Variants in MTMR4 observed in about 807,000 individuals in gnomAD.
MTMR4 encodes phosphatidylinositol-3,5-bisphosphate 3-phosphatase MTMR4.
In MTMR4, 30 loss-of-function variants were observed where a neutral mutation model predicts 125.5. That is an observed-to-expected ratio of 0.24 (90% CI 0.18 to 0.32). The LOEUF is 0.32. MTMR4 is among the 10% of genes least tolerant of loss of function. The pLI, the probability that MTMR4 is intolerant of heterozygous loss-of-function variation, is 1.00. For synonymous variants in MTMR4, 498 were observed against 564.5 expected (o/e 0.88, Z 1.67); for missense variants, 1,039 against 1,511.5 (o/e 0.69, Z 5.18).
At chr17:58,506,696 C>G (rs1295085886) in intron 9 of MTMR4, 47 bp downstream of exon 9, 1 of 1,599,162 alleles carries the variant, frequency 6.3e-7, no homozygotes. Context: ...CTCACCAAAG[C>G]CACCCAGAGC....
At position 58,490,796 on chromosome 17, in the gene MTMR4, C is replaced by G. The variant is rs546457059; in HGVS notation, c.*867G>C. The G allele has an allele frequency of 2.0e-5, 3 of 152,560 alleles. No homozygotes were observed. Among genetic ancestry groups the G allele is most frequent in the Non-Finnish European group, 4.4e-5 (3 of 68,016 alleles). 9.5% of individuals were successfully genotyped at this position (152,560 alleles called of 1,614,324 possible). On this transcript the variant is annotated 3_prime_UTR_variant, in exon 18 of 18. Coordinates refer to ENST00000682306, the MANE Select transcript of MTMR4 (RefSeq NM_001378067.1). Reference sequence around the variant, plus strand: ...CAAGGTGTAGCTCCTGTGTTAGCACCAGGACAACTAGGAAAAGTCAGGTGC... The same window carrying G: ...CAAGGTGTAGCTCCTGTGTTAGCACGAGGACAACTAGGAAAAGTCAGGTGC...
At chr17:58,509,563 T>C (rs975789453) in intron 4 of MTMR4, among the ~76,000 whole-genome samples, 13 of 151,664 alleles carry the variant, frequency 8.6e-5, no homozygotes, top group Admixed American at 5.3e-4. Context: ...AGACCATAAT[T>C]GTGCACCACC....
At position 58,495,396 on chromosome 17, in the gene MTMR4, A is replaced by C. The variant is rs1475089826; in HGVS notation, c.2788T>G (p.Ser930Ala). Residue 930 changes from serine to alanine, a missense_variant, in exon 15 of 18, where the codon TCA becomes GCA. Coordinates refer to ENST00000682306, the MANE Select transcript of MTMR4 (RefSeq NM_001378067.1). ...GGGGTGGCCTCCCCACTTGGGAATG[A>C]AGTCACCATCCCTTGGAAGCTGTCC... ...NWDSFQGMVTSFPSGEATPRR... is the reference protein window; with the variant it reads ...NWDSFQGMVTAFPSGEATPRR... The C allele has an allele frequency of 6.2e-7, 1 of 1,614,228 alleles. No homozygotes were observed.
rs917021605 is a variant in MTMR4, at chr17:58,512,515, G to A, written c.136-9C>T. On this transcript the variant is annotated splice_polypyrimidine_tract_variant and intron_variant, in intron 2 of 17. Transcript: ENST00000682306. The surrounding 1 kb of genome is among the most constrained non-coding windows in gnomAD (Gnocchi z 4.1). ...AGCACTGTGAAGGGGACCTGTCAAG[G>A]GGCAGAGAAACCTTCAGTCCAGAAG... The A allele has an allele frequency of 6.2e-7, 1 of 1,607,498 alleles. No individual in the cohort carries two copies. The highest frequency in any genetic ancestry group is 1.3e-5 in the African/African-American group (1 of 74,788).
chr17:58,516,301 G>A (rs1194211452), upstream of MTMR4, among the ~76,000 whole-genome samples: 1 of 152,230 alleles, frequency 6.6e-6, no homozygotes, highest in East Asian at 1.9e-4. Context: ...CTGTTATGAA[G>A]GGTTAATAGA....
In MTMR4 at chr17:58,504,259, C is replaced by T; in HGVS notation, c.1528-39G>A. 6.2e-7 allele frequency: 1 copy of T among 1,603,628 alleles called. No homozygotes were observed. Among genetic ancestry groups the T allele is most frequent in the East Asian group, 2.2e-5 (1 of 44,542 alleles). On this transcript the variant is annotated intron_variant, in intron 12 of 17. Coordinates refer to ENST00000682306, the MANE Select transcript of MTMR4 (RefSeq NM_001378067.1). This position sits in a 1 kb window ranked among gnomAD's most constrained non-coding sequence, Gnocchi z 7.1. ...AGAGCTTGCACCTGGGGGCCTCGGGCTGTCATTCCCCCCATCCCTGTTGTC... is the reference window on the plus strand; with the variant it reads ...AGAGCTTGCACCTGGGGGCCTCGGGTTGTCATTCCCCCCATCCCTGTTGTC...
At chr17:58,501,253 G>T (rs1445409493) in intron 14 of MTMR4, among the ~76,000 whole-genome samples, 1 of 152,170 alleles carries the variant, frequency 6.6e-6, no homozygotes, top group Admixed American at 6.5e-5. Context: ...GCTCACACCT[G>T]TAATTCCAGT....
chr17:58,508,601 G>A lies in MTMR4; in HGVS notation c.497-37C>T. On this transcript the variant is annotated intron_variant, in intron 5 of 17. Transcript: ENST00000682306. The surrounding 1 kb of genome is among the most constrained non-coding windows in gnomAD (Gnocchi z 4.8). Reference sequence around the variant, plus strand: ...CCCCCACGATGGTTAGCTTCCCAGAGCACCAATGTGCAGGAGTGGAGGAGG... The same window carrying A: ...CCCCCACGATGGTTAGCTTCCCAGAACACCAATGTGCAGGAGTGGAGGAGG... 3 of 1,614,136 alleles carry A rather than the reference G, an allele frequency of 1.9e-6. No individual in the cohort carries two copies. The highest frequency in any genetic ancestry group is 1.7e-6 in the Non-Finnish European group (2 of 1,179,970).
intron 14 of MTMR4, among the ~76,000 whole-genome samples, chr17:58,503,033 C>A (rs1371117727): frequency 6.6e-6 from 1 of 152,162 alleles, no homozygotes; most frequent in Non-Finnish European, 1.5e-5. Flanking sequence ...CTGCTGGGAA[C>A]CCATTTCCCT....
rs376465802 is a variant in MTMR4 at position 58,512,110 on chromosome 17, C to T, written c.252+280G>A. Among the ~76,000 whole-genome samples, 2 of 152,190 alleles carry T rather than the reference C, an allele frequency of 1.3e-5. No individual in the cohort carries two copies. The highest frequency in any genetic ancestry group is 6.5e-5 in the Admixed American group (1 of 15,286). ...CAAGTGATTCCCGTACCTCAGCCCCCGAGTAGGTGGGATTACAGGTGCGCA... is the reference window on the plus strand; with the variant it reads ...CAAGTGATTCCCGTACCTCAGCCCCTGAGTAGGTGGGATTACAGGTGCGCA... On this transcript the variant is annotated intron_variant, in intron 3 of 17. Coordinates refer to ENST00000682306, the MANE Select transcript of MTMR4 (RefSeq NM_001378067.1). The surrounding 1 kb of genome is among the most constrained non-coding windows in gnomAD (Gnocchi z 4.1).
rs771986183 is a variant in MTMR4 at position 58,495,895 on chromosome 17, C to T, written c.2289G>A (p.Gly763=). Residue 763 remains glycine, a synonymous_variant, in exon 15 of 18, where the codon GGG becomes GGA. Coordinates refer to ENST00000682306, the MANE Select transcript of MTMR4 (RefSeq NM_001378067.1). ...DELGRTLDGI[G]EPPEHCPETE... is the part of the protein sequence containing the mutation. Reference sequence around the variant, plus strand: ...TTTCAGGACAATGTTCAGGTGGCTCCCCTATGCCATCTAAAGTCCTACCCA... The same window carrying T: ...TTTCAGGACAATGTTCAGGTGGCTCTCCTATGCCATCTAAAGTCCTACCCA... The T allele has an allele frequency of 1.2e-6, 2 of 1,614,116 alleles. No individual in the cohort carries two copies. Among genetic ancestry groups the T allele is most frequent in the Non-Finnish European group, 8.5e-7 (1 of 1,180,022 alleles).
chr17:58,509,528 C>T (rs1251155892), intron 4 of MTMR4, among the ~76,000 whole-genome samples: 1 of 151,384 alleles, frequency 6.6e-6, no homozygotes, highest in Non-Finnish European at 1.5e-5. Context: ...AGGCAATCCT[C>T]ACAAATCAGT....
chr17:58,510,794 C>A (rs887643229), intron 4 of MTMR4: 1 of 152,218 alleles, frequency 6.6e-6, no homozygotes, highest in Admixed American at 6.5e-5. Context: ...CCAGGCTGAT[C>A]TTGAACTCCT....
upstream of MTMR4, chr17:58,514,947 C>G: frequency 1.1e-6 from 1 of 937,272 alleles, no homozygotes; most frequent in Non-Finnish European, 1.3e-6. Context: ...CTCACCTACC[C>G]GCACCCCATT....
chr17:58,495,587 G>A lies in MTMR4; in HGVS notation c.2597C>T (p.Ser866Phe). ...CTCCCCATGGGTCAGATCCGGCACAGAACTCAGTTGTTCCTGGTGGGAGAT... is the reference window on the plus strand; with the variant it reads ...CTCCCCATGGGTCAGATCCGGCACAAAACTCAGTTGTTCCTGGTGGGAGAT... ...ASISHQEQLS[S>F]VPDLTHGEED... The change falls in exon 15 of 18, where the codon TCT becomes TTT. Residue 866 changes from serine (S) to phenylalanine (F), a missense_variant. Ser to Phe is a radical substitution (Grantham distance 155). This residue lies in a region of MTMR4 where 619 missense variants were observed against 714.5 expected (regional missense o/e 0.87). Coordinates refer to ENST00000682306, the MANE Select transcript of MTMR4 (RefSeq NM_001378067.1). 6.2e-7 allele frequency: 1 copy of A among 1,614,198 alleles called. No individual in the cohort carries two copies. The highest frequency in any genetic ancestry group is 8.5e-7 in the Non-Finnish European group (1 of 1,180,038).
upstream of MTMR4, chr17:58,516,622 T>A: frequency 6.2e-7 from 1 of 1,613,380 alleles, no homozygotes; most frequent in Non-Finnish European, 8.5e-7. Flanking sequence ...CTTCTCACTG[T>A]AAGGAGACAG....
At chr17:58,511,831 G>A (rs1663229577) in intron 3 of MTMR4, among the ~76,000 whole-genome samples, 1 of 152,146 alleles carries the variant, frequency 6.6e-6, no homozygotes, top group South Asian at 2.1e-4. Flanking sequence ...TCCAAAGCCT[G>A]TGTTCTTCCA....
intron 9 of MTMR4, 139 bp downstream of exon 9, chr17:58,506,604 T>C (rs1975784427): frequency 9.5e-7 from 1 of 1,048,958 alleles, no homozygotes; most frequent in Non-Finnish European, 1.4e-6. Context: ...GTCATAGCCA[T>C]AGCTAGTAGG....
At position 58,504,827 on chromosome 17, in the gene MTMR4, G is replaced by A. The variant is rs755642883; in HGVS notation, c.1293C>T (p.Ile431=). 10 of 1,613,786 alleles carry A rather than the reference G, an allele frequency of 6.2e-6. No homozygotes were observed. Among genetic ancestry groups the A allele is most frequent in the South Asian group, 3.3e-5 (3 of 91,064 alleles). ...CSDGWDRTPQ[I]VALAKILLDP... The stretch of plus-strand genomic sequence containing the variant: ...CCAGTAATATTTTGGCCAGGGCTAC[G>A]ATCTGCGGTGTGCGGTCCCAGCCAT... Residue 431 remains isoleucine, a synonymous_variant, in exon 11 of 18, where the codon ATC becomes ATT. Coordinates refer to ENST00000682306, the MANE Select transcript of MTMR4 (RefSeq NM_001378067.1). The surrounding 1 kb of genome is among the most constrained non-coding windows in gnomAD (Gnocchi z 7.1).
Sources: allele counts gnomAD v4.1 joint callset (sites outside exome capture counted in the v4.1 genomes callset), GRCh38; gene constraint gnomAD v4.1.1; regional missense constraint gnomAD v4.1.1; non-coding constraint Gnocchi (gnomAD v3.1); transcripts MANE v1.5; gene names NCBI Gene and HGNC (gene_info 2026-07-23, HGNC 2026-07-21).